The following CCNYL1 variants were observed in gnomAD, a reference collection of about 807,000 sequenced individuals.
The protein encoded by CCNYL1 is cyclin Y like 1.
A neutral mutation model predicts 44.2 loss-of-function variants in CCNYL1; 16 were observed. The ratio of observed to expected loss-of-function variants is 0.36; its 90% CI spans 0.25 to 0.55. The LOEUF is 0.55. CCNYL1 is among the 20% of genes least tolerant of loss of function. The pLI, the probability that CCNYL1 is intolerant of heterozygous loss-of-function variation, is 0.85. For synonymous variants in CCNYL1, 159 were observed against 163.2 expected (o/e 0.97, Z 0.20); for missense variants, 348 against 451.8 (o/e 0.77, Z 2.08).
At chr2:207,724,465 G>T (rs549099310) in intron 1 of CCNYL1, among the ~76,000 whole-genome samples, 1 of 152,218 alleles carries the variant, frequency 6.6e-6, no homozygotes, top group African/African-American at 2.4e-5. Context: ...GCTAGTAATA[G>T]CAGTAGAGAG....
rs1442928670 is a variant in CCNYL1 at position 207,755,870 on chromosome 2, C to T, written c.*2172C>T. The T allele has an allele frequency of 6.6e-6, 1 of 152,116 alleles. No individual in the cohort carries two copies. The highest frequency in any genetic ancestry group is 2.4e-5 in the African/African-American group (1 of 41,432). 9.4% of individuals were successfully genotyped at this position (152,116 alleles called of 1,614,324 possible). On this transcript the variant is annotated 3_prime_UTR_variant, in exon 10 of 10. Transcript: ENST00000295414. ...TTTCTCCTACTTTCTCAAATCTAAT[C>T]CTAGGAATCTTGCTTATAAACAAAG...
intron 7 of CCNYL1, 55 bp from the exon 8 acceptor site, chr2:207,746,992 C>G (rs2091859356): frequency 6.9e-6 from 9 of 1,301,392 alleles, no homozygotes; most frequent in Non-Finnish European, 9.6e-6. Flanking sequence ...AAAAAAAAAG[C>G]TTATCAAAGC....
chr2:207,731,065 C>G (rs1208538551), intron 3 of CCNYL1, among the ~76,000 whole-genome samples: 2 of 152,128 alleles, frequency 1.3e-5, no homozygotes, highest in Non-Finnish European at 2.9e-5. Context: ...GAATTGTATT[C>G]AAACTCTGCA....
intron 3 of CCNYL1, among the ~76,000 whole-genome samples, chr2:207,729,217 C>T (rs367756951): frequency 6.8e-6 from 1 of 146,764 alleles, no homozygotes; most frequent in East Asian, 2.2e-4. Flanking sequence ...GCTTATTAGA[C>T]CAGTGTTTCT....
intron 7 of CCNYL1, 41 bp downstream of exon 7, chr2:207,742,383 T>G (rs764323427): frequency 6.3e-7 from 1 of 1,583,258 alleles, no homozygotes; most frequent in African/African-American, 1.4e-5. Flanking sequence ...TAGAAATTAG[T>G]CTTGTACACA....
In CCNYL1 at chr2:207,753,675, C is replaced by T. The variant is rs758994523; in HGVS notation, c.1057C>T (p.Arg353Cys). The change falls in exon 10 of 10, where the codon CGC becomes TGC. Residue 353 changes from arginine to cysteine, a missense_variant. Coordinates refer to ENST00000295414, the MANE Select transcript of CCNYL1 (RefSeq NM_001330218.2). ...TGCTGATAACTTCATTGGTATTCAG[C>T]GCTCTAAAGCCATCCTCTCTTAAAA... is the stretch of plus-strand genomic sequence containing the variant. ...FSADNFIGIQ[R>C]SKAILS 12 of 1,610,454 alleles carry T rather than the reference C, an allele frequency of 7.5e-6. No homozygotes were observed. The highest frequency in any genetic ancestry group is 1.1e-5 in the South Asian group (1 of 90,834).
chr2:207,713,787 A>T lies in CCNYL1; in HGVS notation c.220+1671A>T, dbSNP rs114881172. The stretch of plus-strand genomic sequence containing the variant: ...ACTTTACTTACCTTTCGGAATATTC[A>T]GACATTGTGAAAGAATGAACAAATA... On this transcript the variant is annotated intron_variant, in intron 1 of 9. Coordinates refer to ENST00000295414, the MANE Select transcript of CCNYL1 (RefSeq NM_001330218.2). 1.1e-3 allele frequency among the ~76,000 whole-genome samples: 171 copies of T among 152,342 alleles called. 1 individual carries two copies. Among genetic ancestry groups the T allele is most frequent in the African/African-American group, 4.0e-3 (167 of 41,578 alleles).
intron 8 of CCNYL1, among the ~76,000 whole-genome samples, chr2:207,750,163 C>CT (rs772847659): frequency 1.1e-4 from 17 of 152,234 alleles, no homozygotes; most frequent in Admixed American, 3.9e-4. Context: ...AGAAGAAACA[C>CT]TGAGTTTTTA....
In CCNYL1 at chr2:207,711,791, G is replaced by T; in HGVS notation, c.-106G>T. On this transcript the variant is annotated 5_prime_UTR_variant, in exon 1 of 10. Coordinates refer to ENST00000295414, the MANE Select transcript of CCNYL1 (RefSeq NM_001330218.2). The stretch of plus-strand genomic sequence containing the variant: ...CGCGGTGCAGCCCCAGCGTAGCCCG[G>T]GGCTGCCGGTGCCGGCCGCGCCATT... 2.7e-6 allele frequency: 2 copies of T among 731,880 alleles called. No homozygotes were observed. Among genetic ancestry groups the T allele is most frequent in the Non-Finnish European group, 2.0e-6 (1 of 507,596 alleles). The allele number at this position is 731,880 out of a possible 1,614,324, so 45.3% of individuals were successfully genotyped here. A position where few individuals can be genotyped will look rare whatever the true frequency, so the allele number is the denominator to read the frequency against.
At chr2:207,726,495 T>C (rs2091680796) in intron 2 of CCNYL1, among the ~76,000 whole-genome samples, 2 of 152,212 alleles carry the variant, frequency 1.3e-5, no homozygotes, top group African/African-American at 4.8e-5. Context: ...CCTGTAAATG[T>C]AGAATTAAAA....
chr2:207,716,695 A>G (rs1244065272), intron 1 of CCNYL1, among the ~76,000 whole-genome samples: 1 of 152,206 alleles, frequency 6.6e-6, no homozygotes, highest in Non-Finnish European at 1.5e-5. Flanking sequence ...CAGTCTCATT[A>G]CATTTGATTT....
intron 2 of CCNYL1, among the ~76,000 whole-genome samples, chr2:207,725,466 T>C (rs1318189404): frequency 6.6e-6 from 1 of 152,194 alleles, no homozygotes; most frequent in African/African-American, 2.4e-5. Flanking sequence ...TTGACCTCTT[T>C]CCCTTGCTCC....
At chr2:207,736,713 C>T (rs1007033898) in intron 4 of CCNYL1, among the ~76,000 whole-genome samples, 3 of 152,010 alleles carry the variant, frequency 2.0e-5, no homozygotes, top group Admixed American at 6.6e-5. Flanking sequence ...ATTAAATCAA[C>T]TGAAATGCAG....
chr2:207,735,270 CTT>C (rs2091756590), intron 4 of CCNYL1, among the ~76,000 whole-genome samples: 1 of 152,194 alleles, frequency 6.6e-6, no homozygotes, highest in Non-Finnish European at 1.5e-5. Flanking sequence ...GGCAAATTGA[CTT>C]TTAGGAAAGA....
Position 207,753,915 on chromosome 2 carries a change from CAG to C in CCNYL1, c.*220_*221del, listed in dbSNP as rs1363536224. On this transcript the variant is annotated 3_prime_UTR_variant, in exon 10 of 10. Coordinates refer to ENST00000295414, the MANE Select transcript of CCNYL1 (RefSeq NM_001330218.2). ...ACTCTTCTGTCCTTTTTAATGTAAA[CAG>C]AGTTACAAAAACCACTCCAAAGTGA... 9 of 430,452 alleles carry C rather than the reference CAG, an allele frequency of 2.1e-5. No individual in the cohort carries two copies. The highest frequency in any genetic ancestry group is 3.3e-5 in the Non-Finnish European group (8 of 241,408). 26.7% of individuals were successfully genotyped at this position (430,452 alleles called of 1,614,324 possible).
At chr2:207,736,960 G>T (rs2091770377) in intron 4 of CCNYL1, among the ~76,000 whole-genome samples, 1 of 151,130 alleles carries the variant, frequency 6.6e-6, no homozygotes, top group Non-Finnish European at 1.5e-5. Context: ...CTGTCGCCCA[G>T]GCTGGAGTGC....
At chr2:207,712,443 T>C (rs2091557721) in intron 1 of CCNYL1, among the ~76,000 whole-genome samples, 1 of 152,188 alleles carries the variant, frequency 6.6e-6, no homozygotes, top group Admixed American at 6.5e-5. Context: ...TTTTGGGGTA[T>C]ATTGTTTTCC....
chr2:207,731,777 C>T (rs1008463954), intron 3 of CCNYL1, among the ~76,000 whole-genome samples: 9 of 147,584 alleles, frequency 6.1e-5, no homozygotes, highest in African/African-American at 2.2e-4. Context: ...GTGTCTCATG[C>T]TATATATTGA....
intron 8 of CCNYL1, 82 bp from the exon 9 acceptor site, chr2:207,750,875 T>C: frequency 1.7e-6 from 2 of 1,170,004 alleles, no homozygotes; most frequent in East Asian, 4.7e-5. Flanking sequence ...GCCATTCTAG[T>C]CTCTTAGAAT....
Sources: allele counts gnomAD v4.1 joint callset (sites outside exome capture counted in the v4.1 genomes callset), GRCh38; gene constraint gnomAD v4.1.1; transcripts MANE v1.5; gene names NCBI Gene and HGNC (gene_info 2026-07-23, HGNC 2026-07-21).